The following PPP2R2B variants were observed in gnomAD, a reference collection of about 807,000 sequenced individuals.
PPP2R2B encodes the protein serine/threonine-protein phosphatase 2A 55 kDa regulatory subunit B beta isoform.
PPP2R2B carries 5 observed loss-of-function variants against 46.0 expected under a neutral mutation model. The ratio of observed to expected loss-of-function variants is 0.11; its 90% CI spans 0.06 to 0.23. The LOEUF (loss-of-function observed/expected upper bound fraction) is 0.23. Among genes scored for constraint, PPP2R2B ranks in the 10% least tolerant of loss-of-function variants. The probability of loss-of-function intolerance (pLI) is 1.00; values close to 1 mark genes in which losing one functional copy is unlikely to be tolerated. For synonymous variants in PPP2R2B, 215 were observed against 206.7 expected (o/e 1.04, Z -0.34); for missense variants, 367 against 575.0 (o/e 0.64, Z 3.70).
chr5:147,059,996 C>G (rs1397417413), upstream of PPP2R2B, among the ~76,000 whole-genome samples: 1 of 152,072 alleles, frequency 6.6e-6, no homozygotes, highest in Non-Finnish European at 1.5e-5. Context: ...AAGTTTCATC[C>G]TCACAGTTTT....
rs373924694 is a variant in PPP2R2B at position 146,729,264 on chromosome 5, G to C, written c.71-28122C>G. Among the ~76,000 whole-genome samples, 33 of 152,320 alleles carry C rather than the reference G, an allele frequency of 2.2e-4. 1 individual carries two copies. In the South Asian group the frequency reaches 5.8e-3, roughly 27 times the overall value. Reference sequence around the variant, plus strand: ...TAGAGATTTGTGAAACTTTGAACTTGAGAGAGATGATTTAGGGTATCTGGC... The same window carrying C: ...TAGAGATTTGTGAAACTTTGAACTTCAGAGAGATGATTTAGGGTATCTGGC... On this transcript the variant is annotated intron_variant, in intron 2 of 9. Coordinates refer to ENST00000394411, the MANE Select transcript of PPP2R2B (RefSeq NM_181675.4).
chr5:146,782,821 G>A (rs1231939642), intron 2 of PPP2R2B, among the ~76,000 whole-genome samples: 3 of 149,218 alleles, frequency 2.0e-5, no homozygotes, highest in Non-Finnish European at 4.5e-5. Flanking sequence ...GGAAACAGAA[G>A]AAAGAAGGAA....
intron 1 of PPP2R2B, among the ~76,000 whole-genome samples, chr5:146,985,295 A>T (rs1364487364): frequency 6.6e-6 from 1 of 152,130 alleles, no homozygotes; most frequent in Non-Finnish European, 1.5e-5. Context: ...CTGAGATTAC[A>T]GGCGTGAGCC....
At chr5:146,808,398 AATC>A (rs1191825269) in intron 2 of PPP2R2B, among the ~76,000 whole-genome samples, 1 of 152,212 alleles carries the variant, frequency 6.6e-6, no homozygotes, top group East Asian at 1.9e-4. Flanking sequence ...AATTGCTGAA[AATC>A]ATCACTCTAT....
At chr5:146,663,780 T>C (rs1776815316) in intron 5 of PPP2R2B, among the ~76,000 whole-genome samples, 1 of 152,162 alleles carries the variant, frequency 6.6e-6, no homozygotes, top group Admixed American at 6.5e-5. Flanking sequence ...TGCTGATTGA[T>C]CAGGGTGGTA....
intron 2 of PPP2R2B, among the ~76,000 whole-genome samples, chr5:146,788,344 A>T (rs1755978131): frequency 6.6e-6 from 1 of 152,070 alleles, no homozygotes; most frequent in Non-Finnish European, 1.5e-5. Context: ...TTTAAAGAAA[A>T]AAAAAAAGGG....
intron 1 of PPP2R2B, among the ~76,000 whole-genome samples, chr5:146,981,113 T>C (rs911366472): frequency 2.6e-5 from 4 of 152,168 alleles, no homozygotes; most frequent in Admixed American, 2.0e-4. Context: ...TTAAGTCCCA[T>C]AAGAGCAGGC....
At chr5:146,797,505 C>G (rs1403436096) in intron 2 of PPP2R2B, among the ~76,000 whole-genome samples, 2 of 152,160 alleles carry the variant, frequency 1.3e-5, no homozygotes, top group Non-Finnish European at 2.9e-5. Context: ...TTTCTGGCCT[C>G]TGGAGGGATT....
intron 5 of PPP2R2B, among the ~76,000 whole-genome samples, chr5:146,674,144 A>G (rs1232602673): frequency 2.6e-5 from 4 of 152,166 alleles, no homozygotes; most frequent in Non-Finnish European, 5.9e-5. Context: ...CATATTATTG[A>G]ATGGTTAGTA....
chr5:146,860,402 A>T (rs1283727022), intron 2 of PPP2R2B, among the ~76,000 whole-genome samples: 2 of 152,216 alleles, frequency 1.3e-5, no homozygotes, highest in African/African-American at 4.8e-5. Context: ...TGCTTAGATC[A>T]TGAAACCAAG....
intron 1 of PPP2R2B, among the ~76,000 whole-genome samples, chr5:147,004,392 G>A (rs1754330414): frequency 6.6e-6 from 1 of 152,246 alleles, no homozygotes. Flanking sequence ...CTGAGCCCTG[G>A]GTACATTTAA....
In PPP2R2B at chr5:146,886,381, A is replaced by AAATAATAAAGC. The variant is rs1561495993; in HGVS notation, c.79+169283_79+169284insGCTTTATTATT. ...TAAATAAATAAATAATAAAACTAAA[A>AAATAATAAAGC]TAAAATAAAATAAATTTGGAGCAAT... On this transcript the variant is annotated intron_variant, in intron 1 of 8. Coordinates refer to the PPP2R2B transcript ENST00000336640. Among the ~76,000 whole-genome samples the AAATAATAAAGC allele has an allele frequency of 3.3e-5, 5 of 151,490 alleles. No homozygotes were observed. The East Asian group carries it at 5.8e-4, about 18-fold the overall frequency.
chr5:146,601,351 C>T (rs1033599580), intron 7 of PPP2R2B, among the ~76,000 whole-genome samples: 3 of 152,114 alleles, frequency 2.0e-5, no homozygotes, highest in Non-Finnish European at 4.4e-5. Context: ...GTATTCAGCA[C>T]TTTGGGAGGC....
At position 146,639,886 on chromosome 5, in the gene PPP2R2B, G is replaced by A. The variant is rs147019310; in HGVS notation, c.626-1471C>T. Among the ~76,000 whole-genome samples the A allele has an allele frequency of 5.2e-4, 79 of 152,258 alleles. 2 individuals carry two copies. The East Asian group carries it at 0.013, about 26-fold the overall frequency. ...ATTGACATGTGATAACTGCAAATGCGTGTGCCAGGAGTTTATGCACCACAT... is the reference window on the plus strand; with the variant it reads ...ATTGACATGTGATAACTGCAAATGCATGTGCCAGGAGTTTATGCACCACAT... On this transcript the variant is annotated intron_variant, in intron 6 of 9. Coordinates refer to ENST00000394411, the MANE Select transcript of PPP2R2B (RefSeq NM_181675.4).
At chr5:146,909,543 T>G (rs1763110828) in intron 1 of PPP2R2B, among the ~76,000 whole-genome samples, 1 of 152,216 alleles carries the variant, frequency 6.6e-6, no homozygotes, top group South Asian at 2.1e-4. Context: ...TGGCATGAAA[T>G]ATTTTTAACC....
intron 7 of PPP2R2B, among the ~76,000 whole-genome samples, chr5:146,629,233 A>G (rs953414451): frequency 2.6e-5 from 4 of 152,218 alleles, no homozygotes; most frequent in Non-Finnish European, 5.9e-5. Flanking sequence ...GGACACATCC[A>G]AAAGAGAATG....
chr5:147,079,118 G>A lies in PPP2R2B; in HGVS notation c.50+1941C>T, dbSNP rs950922802. Among the ~76,000 whole-genome samples, 6 of 151,702 alleles carry A rather than the reference G, an allele frequency of 4.0e-5. No individual in the cohort carries two copies. The East Asian group carries it at 1.2e-3, about 29-fold the overall frequency. On this transcript the variant is annotated intron_variant, in intron 2 of 10. Transcript: ENST00000394413. ...GATAATTTTCTATCTGTCTTCATAG[G>A]GGCTTTAGAAGGATCTTTTGTAAGG...
chr5:146,822,283 T>C (rs1022058340), intron 2 of PPP2R2B, among the ~76,000 whole-genome samples: 1 of 152,192 alleles, frequency 6.6e-6, no homozygotes, highest in Non-Finnish European at 1.5e-5. Context: ...ATCATTTTCT[T>C]GCTTCTAAGC....
chr5:146,620,246 C>T (rs1274433916), intron 7 of PPP2R2B, among the ~76,000 whole-genome samples: 1 of 152,188 alleles, frequency 6.6e-6, no homozygotes. Context: ...GTTCGCCTGT[C>T]AATCTAAAGA....
Sources: allele counts gnomAD v4.1 joint callset (sites outside exome capture counted in the v4.1 genomes callset), GRCh38; gene constraint gnomAD v4.1.1; transcripts MANE v1.5; gene names NCBI Gene and HGNC (gene_info 2026-07-23, HGNC 2026-07-21).